Variants in ITGB8 observed in about 807,000 individuals in gnomAD.
ITGB8 encodes the protein integrin subunit beta 8.
ITGB8 carries 30 observed loss-of-function variants against 89.5 expected under a neutral mutation model. The observed-to-expected ratio is 0.34, with a 90% CI of 0.25 to 0.45. The LOEUF (loss-of-function observed/expected upper bound fraction) is 0.45, where lower values mean the gene tolerates loss of function less well. ITGB8 is among the 20% of genes least tolerant of loss of function. ITGB8 has a pLI of 1.00. For missense variants in ITGB8, 836 were observed against 933.3 expected (o/e 0.90, Z 1.36); for synonymous variants, 335 against 320.4 (o/e 1.05, Z -0.49).
intron 3 of ITGB8, among the ~76,000 whole-genome samples, chr7:20,369,154 C>T (rs1291399187): frequency 6.6e-6 from 1 of 152,116 alleles, no homozygotes; most frequent in South Asian, 2.1e-4. Context: ...TTTCCTTCAA[C>T]AGGATTTTCA....
rs190663837 is a variant in ITGB8 at position 20,402,749 on chromosome 7, A to G, written c.1687+623A>G. 2.6e-5 allele frequency among the ~76,000 whole-genome samples: 4 copies of G among 152,338 alleles called. No homozygotes were observed. In the East Asian group the frequency reaches 7.7e-4, roughly 29 times the overall value. On this transcript the variant is annotated intron_variant, in intron 10 of 13. Transcript: ENST00000222573. ...GATTCGTCCTTGAGGCCACACACAG[A>G]CCAAATTTTAAACATGAAATAAATT...
rs766954155 is a variant in ITGB8, at chr7:20,363,630, A to C, written c.128-7A>C. On this transcript the variant is annotated splice_polypyrimidine_tract_variant and splice_region_variant and intron_variant, in intron 1 of 13. Transcript: ENST00000222573. ...GTAAATTATAACTGTTTTCTCCTTC[A>C]TTGCAGAAGACAATAGATGTGCATC... is the stretch of plus-strand genomic sequence containing the variant. 6.5e-7 allele frequency: 1 copy of C among 1,546,044 alleles called. No individual in the cohort carries two copies. The highest frequency in any genetic ancestry group is 2.3e-5 in the East Asian group (1 of 43,630).
intron 1 of ITGB8, among the ~76,000 whole-genome samples, chr7:20,362,524 C>G (rs1222676567): frequency 6.6e-6 from 1 of 152,194 alleles, no homozygotes; most frequent in African/African-American, 2.4e-5. Flanking sequence ...TCATCCCTCT[C>G]TAAAGCAGAG....
intron 6 of ITGB8, among the ~76,000 whole-genome samples, chr7:20,385,249 A>G (rs1055463053): frequency 6.6e-6 from 1 of 152,244 alleles, no homozygotes; most frequent in African/African-American, 2.4e-5. Flanking sequence ...GAACCTTATC[A>G]ATGGGATTTT....
At chr7:20,333,617 C>G (rs1260131254) in intron 1 of ITGB8, among the ~76,000 whole-genome samples, 1 of 152,098 alleles carries the variant, frequency 6.6e-6, no homozygotes, top group Non-Finnish European at 1.5e-5. Context: ...ATTAGTCAGG[C>G]TCTTGTGAAA....
chr7:20,343,137 G>A (rs924733080), intron 1 of ITGB8, among the ~76,000 whole-genome samples: 1 of 152,164 alleles, frequency 6.6e-6, no homozygotes, highest in Non-Finnish European at 1.5e-5. Context: ...AAACAGAGGG[G>A]CTCAGATTTC....
chr7:20,379,988 C>G (rs1043884486), intron 4 of ITGB8: 1 of 152,100 alleles, frequency 6.6e-6, no homozygotes, highest in Non-Finnish European at 1.5e-5. Context: ...TCTTTTTTCA[C>G]AAAAGACTTT....
chr7:20,374,198 C>G (rs1469890801), intron 3 of ITGB8, among the ~76,000 whole-genome samples: 1 of 152,122 alleles, frequency 6.6e-6, no homozygotes, highest in Non-Finnish European at 1.5e-5. Flanking sequence ...TCTGCCTATA[C>G]TGTGGGAAAT....
rs1014068838 is a variant in ITGB8 at position 20,353,900 on chromosome 7, C to G, written c.128-9737C>G. 2.1e-4 allele frequency among the ~76,000 whole-genome samples: 26 copies of G among 125,592 alleles called. No homozygotes were observed. In the East Asian group the frequency reaches 4.4e-3, roughly 21 times the overall value. 82.4% of individuals were successfully genotyped at this position (125,592 alleles called of 152,430 possible). A position where few individuals can be genotyped will look rare whatever the true frequency, so the allele number is the denominator to read the frequency against. ...TGAGCCGAGATCGCGCCACTGCACT[C>G]CAGCCTGGGCGACAGAGCGAGACTC... On this transcript the variant is annotated intron_variant, in intron 1 of 13. Coordinates refer to ENST00000222573, the MANE Select transcript of ITGB8 (RefSeq NM_002214.3).
Position 20,410,013 on chromosome 7 carries a change from C to T in ITGB8, c.*16C>T. 1.2e-6 allele frequency: 2 copies of T among 1,602,410 alleles called. No individual in the cohort carries two copies. The highest frequency in any genetic ancestry group is 1.7e-6 in the Non-Finnish European group (2 of 1,175,084). Reference sequence around the variant, plus strand: ...CAACTTCTAAAAAAAGATTTTTAAACACTTAATGGGAAACTGGAATTGTTA... The same window carrying T: ...CAACTTCTAAAAAAAGATTTTTAAATACTTAATGGGAAACTGGAATTGTTA... On this transcript the variant is annotated 3_prime_UTR_variant, in exon 14 of 14. Coordinates refer to ENST00000222573, the MANE Select transcript of ITGB8 (RefSeq NM_002214.3).
rs1386660365 is a variant in ITGB8 at position 20,411,852 on chromosome 7, G to C, written c.*1855G>C. 3 of 152,238 alleles carry C rather than the reference G, an allele frequency of 2.0e-5. No individual in the cohort carries two copies. Among genetic ancestry groups the C allele is most frequent in the African/African-American group, 7.2e-5 (3 of 41,426 alleles). 9.4% of individuals were successfully genotyped at this position (152,238 alleles called of 1,614,324 possible). A position where few individuals can be genotyped will look rare whatever the true frequency, so the allele number is the denominator to read the frequency against. On this transcript the variant is annotated 3_prime_UTR_variant, in exon 14 of 14. Coordinates refer to ENST00000222573, the MANE Select transcript of ITGB8 (RefSeq NM_002214.3). ...GTTCCCTGGAGTTCTCCAGTGCTCA[G>C]CTTGAGACCTTGATACACGGGCCAT...
chr7:20,391,887 G>A (rs1198836612), intron 7 of ITGB8, among the ~76,000 whole-genome samples: 2 of 152,162 alleles, frequency 1.3e-5, no homozygotes, highest in Non-Finnish European at 2.9e-5. Context: ...CCTCATAATA[G>A]GTTAAAATTA....
At chr7:20,331,986 T>C (rs1195724777) in intron 1 of ITGB8, 53 bp downstream of exon 1, 2 of 1,586,948 alleles carry the variant, frequency 1.3e-6, no homozygotes, top group Admixed American at 3.5e-5. Context: ...GGTCTTGGGC[T>C]GGCACGAAGA....
At chr7:20,402,157 C>T (rs1787340791) in intron 10 of ITGB8, 31 bp downstream of exon 10, 4 of 1,540,412 alleles carry the variant, frequency 2.6e-6, no homozygotes, top group East Asian at 2.3e-5. Flanking sequence ...GCAGCTTTTA[C>T]TTGTCACTAT....
chr7:20,396,890 G>A (rs1787104604), intron 8 of ITGB8, among the ~76,000 whole-genome samples: 1 of 152,156 alleles, frequency 6.6e-6, no homozygotes, highest in Non-Finnish European at 1.5e-5. Flanking sequence ...CTCATCAACC[G>A]TAAACAGTGG....
intron 1 of ITGB8, among the ~76,000 whole-genome samples, chr7:20,333,723 TC>T (rs1309538483): frequency 2.6e-5 from 4 of 152,206 alleles, no homozygotes; most frequent in Non-Finnish European, 5.9e-5. Context: ...GGAATGCTTA[TC>T]TGAAATCAGA....
At chr7:20,354,506 C>T (rs1208680469) in intron 1 of ITGB8, among the ~76,000 whole-genome samples, 3 of 152,102 alleles carry the variant, frequency 2.0e-5, no homozygotes, top group Non-Finnish European at 4.4e-5. Context: ...AAGTAAGATT[C>T]GAGTAAGCTT....
intron 1 of ITGB8, 145 bp downstream of exon 1, chr7:20,332,078 C>T: frequency 2.1e-6 from 3 of 1,432,040 alleles, no homozygotes; most frequent in Non-Finnish European, 2.7e-6. Flanking sequence ...CAGCGTCCTC[C>T]AGCACAGATG....
chr7:20,337,824 A>G (rs1460982593), intron 1 of ITGB8, among the ~76,000 whole-genome samples: 1 of 152,184 alleles, frequency 6.6e-6, no homozygotes, highest in African/African-American at 2.4e-5. Context: ...TTGCTCAAGT[A>G]AAGTCTGTCA....
Sources: allele counts gnomAD v4.1 joint callset (sites outside exome capture counted in the v4.1 genomes callset), GRCh38; gene constraint gnomAD v4.1.1; transcripts MANE v1.5; gene names NCBI Gene and HGNC (gene_info 2026-07-23, HGNC 2026-07-21).